ZNRF3: variants seen among roughly 807,000 people sequenced by gnomAD.
ZNRF3 encodes the protein E3 ubiquitin-protein ligase ZNRF3.
Under a neutral mutation model 72.5 loss-of-function variants are expected in ZNRF3, and 23 were observed. That is an observed-to-expected ratio of 0.32 (90% CI 0.23 to 0.45). ZNRF3 has a LOEUF of 0.45. Ranked by LOEUF, ZNRF3 falls within the 20% of genes least tolerant of loss-of-function variation. ZNRF3 has a pLI of 1.00. For synonymous variants in ZNRF3, 610 were observed against 545.3 expected (o/e 1.12, Z -1.65); for missense variants, 1,169 against 1,272.1 (o/e 0.92, Z 1.23).
rs1220906308 is a variant in ZNRF3 at position 29,050,936 on chromosome 22, A to C, written c.2755A>C (p.Thr919Pro). 3 of 1,517,144 alleles carry C rather than the reference A, an allele frequency of 2.0e-6. No individual in the cohort carries two copies. The highest frequency in any genetic ancestry group is 2.6e-6 in the Non-Finnish European group (3 of 1,140,624). The allele number at this position is 1,517,144 out of a possible 1,614,324, so 94.0% of individuals were successfully genotyped here. ...CACTCAGGAGTCCAGCACCACTGCC[A>C]CTGAGGCTGCAGGTGAGAGCAGGAA... ...QDTQESSTTA[T>P]EAAGPRSHSA... The change falls in exon 8 of 9, where the codon ACT becomes CCT. Residue 919 changes from threonine (T) to proline (P), a missense_variant. By Grantham distance (38) the Thr-to-Pro change is conservative (BLOSUM62 -1). Transcript: ENST00000544604.
intron 1 of ZNRF3, among the ~76,000 whole-genome samples, chr22:28,905,298 C>T (rs930938251): frequency 6.6e-6 from 1 of 152,116 alleles, no homozygotes; most frequent in African/African-American, 2.4e-5. Flanking sequence ...CCTGCATTGA[C>T]ACTGATGGGG....
intron 4 of ZNRF3, among the ~76,000 whole-genome samples, 169 bp downstream of exon 4, chr22:29,043,599 A>T (rs1473971682): frequency 6.6e-6 from 1 of 152,098 alleles, no homozygotes; most frequent in Non-Finnish European, 1.5e-5. Flanking sequence ...AATTTTACTC[A>T]TGTTCCTTTA....
chr22:29,044,383 C>G (rs2037021333), intron 4 of ZNRF3, among the ~76,000 whole-genome samples: 1 of 152,228 alleles, frequency 6.6e-6, no homozygotes, highest in African/African-American at 2.4e-5. Flanking sequence ...TGTTGTAAAC[C>G]ATTAATTATA....
chr22:28,963,343 T>C (rs540790645), intron 1 of ZNRF3, among the ~76,000 whole-genome samples: 1 of 152,334 alleles, frequency 6.6e-6, no homozygotes, highest in South Asian at 2.1e-4. Context: ...TTGCATCCCC[T>C]GCTTCTCTGT....
In ZNRF3 at chr22:29,053,639, T is replaced by TA. The variant is rs763069029; in HGVS notation, c.*18dup. The TA allele has an allele frequency of 1.2e-5, 19 of 1,611,716 alleles. No homozygotes were observed. Among genetic ancestry groups the TA allele is most frequent in the Non-Finnish European group, 1.4e-5 (17 of 1,178,936 alleles). The stretch of plus-strand genomic sequence containing the variant: ...GGAGCCTGAGCTCAGGAGGAACTCT[T>TA]ACCTGGAAATTGGGAACTGTATGGA... On this transcript the variant is annotated 3_prime_UTR_variant, in exon 9 of 9. Coordinates refer to ENST00000544604, the MANE Select transcript of ZNRF3 (RefSeq NM_001206998.2).
At chr22:29,022,927 A>G (rs1050964246) in intron 2 of ZNRF3, among the ~76,000 whole-genome samples, 1 of 152,170 alleles carries the variant, frequency 6.6e-6, no homozygotes, top group Non-Finnish European at 1.5e-5. Flanking sequence ...GGTATATTGC[A>G]TAGTGGAAAA....
At chr22:28,989,723 C>G (rs1016657719) in intron 2 of ZNRF3, among the ~76,000 whole-genome samples, 2 of 152,122 alleles carry the variant, frequency 1.3e-5, no homozygotes, top group Non-Finnish European at 2.9e-5. Flanking sequence ...GCCAGGCATT[C>G]GGAAAAGCCT....
chr22:29,037,457 T>A (rs977205067), intron 2 of ZNRF3, among the ~76,000 whole-genome samples: 25 of 152,194 alleles, frequency 1.6e-4, no homozygotes, highest in African/African-American at 5.1e-4. Flanking sequence ...ACATTCACAG[T>A]CAGGGAGCAC....
In ZNRF3 at chr22:29,055,365, C is replaced by A. The variant is rs1025858488; in HGVS notation, c.*1743C>A. On this transcript the variant is annotated 3_prime_UTR_variant, in exon 9 of 9. Coordinates refer to ENST00000544604, the MANE Select transcript of ZNRF3 (RefSeq NM_001206998.2). ...GAATAGGAAACTTGAGACCTGGCCCCCTGTGGGTAGGAGAACAAGGACCAC... is the reference window on the plus strand; with the variant it reads ...GAATAGGAAACTTGAGACCTGGCCCACTGTGGGTAGGAGAACAAGGACCAC... The A allele has an allele frequency of 3.3e-5, 5 of 152,324 alleles. No individual in the cohort carries two copies. Among genetic ancestry groups the A allele is most frequent in the African/African-American group, 1.2e-4 (5 of 41,572 alleles). 9.4% of individuals were successfully genotyped at this position (152,324 alleles called of 1,614,324 possible).
chr22:28,976,771 T>C (rs1030114402), intron 1 of ZNRF3, among the ~76,000 whole-genome samples: 1 of 152,200 alleles, frequency 6.6e-6, no homozygotes, highest in Non-Finnish European at 1.5e-5. Flanking sequence ...GGTAGGCACA[T>C]GAGTCACTCT....
chr22:28,980,016 G>A (rs1569269059), intron 1 of ZNRF3, among the ~76,000 whole-genome samples: 1 of 152,204 alleles, frequency 6.6e-6, no homozygotes, highest in Non-Finnish European at 1.5e-5. Context: ...AGAAGGTGAA[G>A]GAGAGAGCTT....
chr22:28,949,765 G>A (rs1450708480), intron 1 of ZNRF3, among the ~76,000 whole-genome samples: 1 of 152,164 alleles, frequency 6.6e-6, no homozygotes, highest in Admixed American at 6.5e-5. Context: ...TTGAGAAAAT[G>A]CCTGCCCTGC....
intron 2 of ZNRF3, among the ~76,000 whole-genome samples, chr22:29,020,953 C>T (rs555181935): frequency 1.3e-5 from 2 of 152,016 alleles, no homozygotes; most frequent in Non-Finnish European, 2.9e-5. Flanking sequence ...CCCACCACCA[C>T]GCCTGGCTGA....
At chr22:28,967,037 G>A (rs149655362) in intron 1 of ZNRF3, among the ~76,000 whole-genome samples, 4 of 151,818 alleles carry the variant, frequency 2.6e-5, no homozygotes, top group East Asian at 1.9e-4. Context: ...CTGTCACCAC[G>A]CCCATCTAAT....
chr22:28,937,192 TATATATATATATATATATATA>T (rs1569252487), intron 1 of ZNRF3, among the ~76,000 whole-genome samples: 7 of 3,016 alleles, frequency 2.3e-3, no homozygotes, highest in African/African-American at 3.0e-3. Flanking sequence ...TATATATATA[TATATATATATATATATATATA>T]TATTTTTTTT....
Position 28,883,731 on chromosome 22 carries a change from C to T in ZNRF3, c.-36C>T, listed in dbSNP as rs2123737600. On this transcript the variant is annotated 5_prime_UTR_variant, in exon 1 of 9. Coordinates refer to ENST00000544604, the MANE Select transcript of ZNRF3 (RefSeq NM_001206998.2). This position sits in a 1 kb window ranked among gnomAD's most constrained non-coding sequence, Gnocchi z 5.5. ...TCAGCCGGCCCGCGACTATGCCCGG[C>T]CGCGCCCGCCCTCCGCGCCCTCCCG... is the stretch of plus-strand genomic sequence containing the variant. The T allele has an allele frequency of 8.1e-6, 8 of 982,282 alleles. No individual in the cohort carries two copies. Among genetic ancestry groups the T allele is most frequent in the Non-Finnish European group, 9.7e-6 (8 of 828,312 alleles). The allele number at this position is 982,282 out of a possible 1,614,324, so 60.8% of individuals were successfully genotyped here. A position where few individuals can be genotyped will look rare whatever the true frequency, so the allele number is the denominator to read the frequency against.
At chr22:29,020,771 G>A (rs1355111449) in intron 2 of ZNRF3, among the ~76,000 whole-genome samples, 1 of 66,968 alleles carries the variant, frequency 1.5e-5, no homozygotes, top group Non-Finnish European at 4.2e-5. Context: ...TTTTGTGTGT[G>A]TGTGGGTGTG....
chr22:28,926,973 T>C (rs760749087), intron 1 of ZNRF3, among the ~76,000 whole-genome samples: 9 of 148,520 alleles, frequency 6.1e-5, no homozygotes, highest in African/African-American at 1.0e-4. Context: ...AATACAAAAA[T>C]TAGCTGGGTG....
chr22:28,950,078 C>G (rs1336061046), intron 1 of ZNRF3, among the ~76,000 whole-genome samples: 1 of 152,118 alleles, frequency 6.6e-6, no homozygotes, highest in Non-Finnish European at 1.5e-5. Flanking sequence ...TCCAAGTATA[C>G]AATGATCAAG....
Sources: gnomAD v4.1 joint callset for allele counts (sites outside exome capture counted in the v4.1 genomes callset) on GRCh38, gnomAD v4.1.1 for gene constraint, Gnocchi (gnomAD v3.1) non-coding constraint, MANE v1.5 for transcripts, NCBI Gene and HGNC (gene_info 2026-07-23, HGNC 2026-07-21) for gene names.